Variants in CHCHD3 observed in about 807,000 individuals in gnomAD.
The protein encoded by CHCHD3 is coiled-coil-helix-coiled-coil-helix domain containing 3, also known as MICOS complex subunit MIC19.
A neutral mutation model predicts 38.2 loss-of-function variants in CHCHD3; 20 were observed. The observed-to-expected ratio is 0.52, with a 90% CI of 0.37 to 0.76. CHCHD3 has a LOEUF of 0.76. Among genes scored for constraint, CHCHD3 ranks in the 30% least tolerant of loss-of-function variants. The probability of loss-of-function intolerance (pLI) is 0.00; values close to 1 mark genes in which losing one functional copy is unlikely to be tolerated. For missense variants in CHCHD3, 245 were observed against 279.2 expected, an observed-to-expected ratio of 0.88 and a Z score of 0.87; for synonymous variants, 82 against 100.0, an observed-to-expected ratio of 0.82 and a Z score of 1.07.
intron 4 of CHCHD3, among the ~76,000 whole-genome samples, chr7:132,966,938 G>A (rs1164282995): frequency 6.6e-6 from 1 of 152,194 alleles, no homozygotes; most frequent in African/African-American, 2.4e-5. Flanking sequence ...AGGCAATGAA[G>A]TAAATATGTT....
intron 5 of CHCHD3, among the ~76,000 whole-genome samples, chr7:132,877,440 T>G (rs2117160777): frequency 6.6e-6 from 1 of 152,308 alleles, no homozygotes; most frequent in Non-Finnish European, 1.5e-5. Flanking sequence ...GGAAAGCAGG[T>G]AGATTGTAAA....
chr7:132,854,165 G>A (rs901672570), intron 5 of CHCHD3, among the ~76,000 whole-genome samples: 1 of 152,000 alleles, frequency 6.6e-6, no homozygotes, highest in Non-Finnish European at 1.5e-5. Flanking sequence ...CTTCATGTCT[G>A]GAAATATGTG....
intron 6 of CHCHD3, chr7:132,815,606 T>C (rs1274372409): frequency 3.5e-5 from 16 of 455,938 alleles, no homozygotes; most frequent in Non-Finnish European, 5.7e-5. Context: ...AGTCCTGTTT[T>C]GTGATATTTC....
chr7:132,930,783 C>T (rs573671718), intron 4 of CHCHD3, among the ~76,000 whole-genome samples: 1 of 152,246 alleles, frequency 6.6e-6, no homozygotes, highest in African/African-American at 2.4e-5. Flanking sequence ...ATCGCTATAC[C>T]TTTTCGATCC....
rs577886589 is a variant in CHCHD3 at position 132,878,333 on chromosome 7, A to C, written c.453+7329T>G. ...GCTTCACACAGAGGAGCACAGAAGC[A>C]AAGGTACTAATTGAGAAAGAAGAAG... is the stretch of plus-strand genomic sequence containing the variant. On this transcript the variant is annotated intron_variant, in intron 5 of 7. Coordinates refer to ENST00000262570, the MANE Select transcript of CHCHD3 (RefSeq NM_017812.4). 1.1e-4 allele frequency among the ~76,000 whole-genome samples: 16 copies of C among 147,482 alleles called. No homozygotes were observed. In the East Asian group the frequency reaches 3.1e-3, roughly 29 times the overall value.
chr7:132,991,858 G>A (rs957222946), intron 3 of CHCHD3, among the ~76,000 whole-genome samples: 1 of 152,088 alleles, frequency 6.6e-6, no homozygotes, highest in African/African-American at 2.4e-5. Flanking sequence ...ATCCTCAGGG[G>A]TGCTTCCCCT....
Position 132,842,430 on chromosome 7 carries a change from T to C in CHCHD3, c.454-3961A>G, listed in dbSNP as rs147125356. Among the ~76,000 whole-genome samples, 9 of 152,318 alleles carry C rather than the reference T, an allele frequency of 5.9e-5. No homozygotes were observed. The East Asian group carries it at 1.7e-3, about 29-fold the overall frequency. On this transcript the variant is annotated intron_variant, in intron 5 of 7. Coordinates refer to ENST00000262570, the MANE Select transcript of CHCHD3 (RefSeq NM_017812.4). ...ATGTCCACATCTTAGATAATTATAA[T>C]ACAATTATCAAAGGTAATGATTTAA...
intron 4 of CHCHD3, among the ~76,000 whole-genome samples, chr7:132,956,702 G>C (rs1160364221): frequency 6.6e-6 from 1 of 152,172 alleles, no homozygotes; most frequent in Admixed American, 6.5e-5. Flanking sequence ...CTCACTCATT[G>C]TAACAGTCGT....
chr7:132,835,036 T>G (rs1807743763), intron 6 of CHCHD3, among the ~76,000 whole-genome samples: 1 of 151,846 alleles, frequency 6.6e-6, no homozygotes, highest in Non-Finnish European at 1.5e-5. Flanking sequence ...AGTGGTGCTA[T>G]CTCAGCTCAC....
chr7:132,984,130 C>G (rs1450245562), intron 3 of CHCHD3, among the ~76,000 whole-genome samples: 4 of 151,556 alleles, frequency 2.6e-5, no homozygotes, highest in South Asian at 2.1e-4. Context: ...CTGGACTGTA[C>G]TGCTGCCATC....
At chr7:133,011,146 T>C (rs1812859904) in intron 3 of CHCHD3, among the ~76,000 whole-genome samples, 1 of 152,108 alleles carries the variant, frequency 6.6e-6, no homozygotes, top group Non-Finnish European at 1.5e-5. Flanking sequence ...GGCCGAAGTG[T>C]TCAATGAGAG....
chr7:132,840,199 A>G, intron 5 of CHCHD3, among the ~76,000 whole-genome samples: 1 of 152,172 alleles, frequency 6.6e-6, no homozygotes, highest in Non-Finnish European at 1.5e-5. Flanking sequence ...CTTCCCTTAA[A>G]ATACACACCA....
chr7:132,802,298 T>G (rs1377584017), intron 6 of CHCHD3, among the ~76,000 whole-genome samples: 2 of 150,742 alleles, frequency 1.3e-5, no homozygotes, highest in Non-Finnish European at 3.0e-5. Context: ...CAGGGGAGAG[T>G]AACACACCCT....
chr7:133,023,135 T>C (rs1584650863), intron 3 of CHCHD3, among the ~76,000 whole-genome samples: 1 of 152,278 alleles, frequency 6.6e-6, no homozygotes, highest in Non-Finnish European at 1.5e-5. Flanking sequence ...TTATATAGTC[T>C]ATCAACCTAA....
intron 2 of CHCHD3, among the ~76,000 whole-genome samples, chr7:133,060,582 C>G (rs1236050839): frequency 1.3e-5 from 2 of 152,110 alleles, no homozygotes; most frequent in Admixed American, 6.5e-5. Context: ...GAAGGTGGAA[C>G]AGTATTCAGA....
At chr7:132,923,246 T>A (rs547603368) in intron 4 of CHCHD3, among the ~76,000 whole-genome samples, 62 of 152,228 alleles carry the variant, frequency 4.1e-4, no homozygotes, top group African/African-American at 1.4e-3. Context: ...AAAAAGGACA[T>A]GAATAGTCCT....
At chr7:132,853,677 A>G (rs62467045) in intron 5 of CHCHD3, among the ~76,000 whole-genome samples, 35,201 of 152,044 alleles carry the variant, frequency 0.23, 4,229 homozygotes, top group South Asian at 0.26. Context: ...CACACACTTA[A>G]TATCTATATT....
intron 3 of CHCHD3, among the ~76,000 whole-genome samples, chr7:133,014,619 A>AT (rs1812976558): frequency 6.6e-6 from 1 of 152,164 alleles, no homozygotes; most frequent in Non-Finnish European, 1.5e-5. Flanking sequence ...AAAACCCAGC[A>AT]TATCAAGCAA....
At chr7:133,069,927 G>C (rs1048310131) in intron 2 of CHCHD3, among the ~76,000 whole-genome samples, 3 of 152,098 alleles carry the variant, frequency 2.0e-5, no homozygotes, top group Non-Finnish European at 4.4e-5. Context: ...AGAGTGGGAA[G>C]AGAAAACAAA....
Sources: allele counts gnomAD v4.1 joint callset (sites outside exome capture counted in the v4.1 genomes callset), GRCh38; gene constraint gnomAD v4.1.1; transcripts MANE v1.5; gene names NCBI Gene and HGNC (gene_info 2026-07-23, HGNC 2026-07-21).